Variants in PPP2R5E observed in about 807,000 individuals in gnomAD.
The protein encoded by PPP2R5E is protein phosphatase 2 regulatory subunit B'epsilon.
In PPP2R5E, 4 loss-of-function variants were observed where a neutral mutation model predicts 65.3. The observed-to-expected ratio is 0.06, with a 90% confidence interval of 0.03 to 0.14. The LOEUF is 0.14. Ranked by LOEUF, PPP2R5E falls within the 10% of genes least tolerant of loss-of-function variation. The pLI is 1.00. For synonymous variants in PPP2R5E, 183 were observed against 187.4 expected (o/e 0.98, Z 0.19); for missense variants, 274 against 556.1 (o/e 0.49, Z 5.10).
intron 5 of PPP2R5E, among the ~76,000 whole-genome samples, chr14:63,414,620 A>G (rs1886593035): frequency 6.6e-6 from 1 of 152,242 alleles, no homozygotes; most frequent in African/African-American, 2.4e-5. Flanking sequence ...GATGTTCCAA[A>G]TGGAGACATG....
intron 3 of PPP2R5E, among the ~76,000 whole-genome samples, chr14:63,427,123 T>C (rs28715104): frequency 3.7e-3 from 562 of 152,344 alleles, no homozygotes; most frequent in African/African-American, 0.012. Flanking sequence ...TGCATGCTTA[T>C]GCAAATGTAT....
chr14:63,414,156 G>C (rs941570357), intron 5 of PPP2R5E, among the ~76,000 whole-genome samples: 1 of 152,050 alleles, frequency 6.6e-6, no homozygotes, highest in Non-Finnish European at 1.5e-5. Flanking sequence ...AATTGGCTAT[G>C]GTTCAACCTA....
intron 2 of PPP2R5E, among the ~76,000 whole-genome samples, chr14:63,510,291 T>A (rs1000280471): frequency 6.6e-6 from 1 of 152,182 alleles, no homozygotes; most frequent in Non-Finnish European, 1.5e-5. Context: ...AGGTGATGAA[T>A]GTCACTGGAC....
At chr14:63,542,131 T>C (rs574007945) in intron 1 of PPP2R5E, among the ~76,000 whole-genome samples, 1 of 152,274 alleles carries the variant, frequency 6.6e-6, no homozygotes, top group South Asian at 2.1e-4. Context: ...CTACAGACGA[T>C]ATATAGGTAG....
chr14:63,384,629 A>G, intron 11 of PPP2R5E, 58 bp from the exon 12 acceptor site: 1 of 1,432,856 alleles, frequency 7.0e-7, no homozygotes, highest in Middle Eastern at 1.8e-4. Context: ...ATAAAACAAA[A>G]TTATAAATCT....
At chr14:63,473,411 G>A (rs1203059857) in intron 2 of PPP2R5E, among the ~76,000 whole-genome samples, 1 of 152,176 alleles carries the variant, frequency 6.6e-6, no homozygotes, top group African/African-American at 2.4e-5. Context: ...GGGGCAGCTA[G>A]AGACAAGCTA....
intron 5 of PPP2R5E, among the ~76,000 whole-genome samples, chr14:63,402,469 T>C (rs895928169): frequency 1.3e-5 from 2 of 152,036 alleles, no homozygotes; most frequent in Non-Finnish European, 2.9e-5. Context: ...CAAACAATTA[T>C]AAGGAACTCA....
At chr14:63,493,463 T>C (rs1281792447) in intron 2 of PPP2R5E, among the ~76,000 whole-genome samples, 7 of 140,784 alleles carry the variant, frequency 5.0e-5, no homozygotes, top group African/African-American at 1.7e-4. Context: ...TCTCCAGACA[T>C]TGCCAAATTA....
chr14:63,501,729 A>G (rs1246468941), intron 2 of PPP2R5E, among the ~76,000 whole-genome samples: 2 of 152,214 alleles, frequency 1.3e-5, no homozygotes, highest in African/African-American at 2.4e-5. Flanking sequence ...TTATGTCTCA[A>G]TAAAGCTGTT....
chr14:63,418,267 A>G (rs1386458405), intron 4 of PPP2R5E, among the ~76,000 whole-genome samples: 2 of 152,126 alleles, frequency 1.3e-5, no homozygotes, highest in African/African-American at 4.8e-5. Context: ...CCCTCTTTCG[A>G]TTGCCACAAA....
chr14:63,429,277 T>A (rs1352525548), intron 3 of PPP2R5E, among the ~76,000 whole-genome samples: 1 of 152,200 alleles, frequency 6.6e-6, no homozygotes, highest in African/African-American at 2.4e-5. Context: ...CTTTCATCTG[T>A]GAAACTGTAA....
At chr14:63,450,442 G>A (rs952457872) in intron 3 of PPP2R5E, among the ~76,000 whole-genome samples, 3 of 152,078 alleles carry the variant, frequency 2.0e-5, no homozygotes, top group African/African-American at 7.2e-5. Flanking sequence ...TTTGGCTGGA[G>A]AATGGGGAGG....
chr14:63,529,139 C>A (rs1893303305), intron 2 of PPP2R5E, among the ~76,000 whole-genome samples: 1 of 152,092 alleles, frequency 6.6e-6, no homozygotes, highest in African/African-American at 2.4e-5. Flanking sequence ...TTTTAATTTT[C>A]TAGTAGGAAC....
chr14:63,471,233 CAG>C (rs936172824), intron 2 of PPP2R5E, among the ~76,000 whole-genome samples: 4 of 152,122 alleles, frequency 2.6e-5, no homozygotes, highest in African/African-American at 9.7e-5. Context: ...CCAGATGGGC[CAG>C]AAGAACCTCA....
At position 63,375,729 on chromosome 14, in the gene PPP2R5E, C is replaced by G. The variant is rs550570794; in HGVS notation, c.*280G>C. ...TGGAATTTTAACATAGCAATTTCAT[C>G]AACAGATCTTTGAAGACCGATTTTT... On this transcript the variant is annotated 3_prime_UTR_variant, in exon 14 of 14. Coordinates refer to ENST00000337537, the MANE Select transcript of PPP2R5E (RefSeq NM_006246.5). The G allele has an allele frequency of 3.0e-5, 7 of 232,100 alleles. No homozygotes were observed. Among genetic ancestry groups the G allele is most frequent in the African/African-American group, 1.7e-4 (7 of 42,290 alleles). The allele number at this position is 232,100 out of a possible 1,614,324, so 14.4% of individuals were successfully genotyped here. A position where few individuals can be genotyped will look rare whatever the true frequency, so the allele number is the denominator to read the frequency against.
chr14:63,438,574 C>T (rs1888051728), intron 3 of PPP2R5E, among the ~76,000 whole-genome samples: 1 of 152,044 alleles, frequency 6.6e-6, no homozygotes, highest in Admixed American at 6.6e-5. Flanking sequence ...GGGGTAGAGA[C>T]AGGGGGAGTA....
intron 5 of PPP2R5E, among the ~76,000 whole-genome samples, chr14:63,413,420 T>C (rs543593998): frequency 6.6e-6 from 1 of 152,308 alleles, no homozygotes; most frequent in South Asian, 2.1e-4. Context: ...TTGAAGTCAC[T>C]CCAAGTTACA....
chr14:63,402,241 A>G (rs1487106386), intron 5 of PPP2R5E, among the ~76,000 whole-genome samples: 1 of 152,242 alleles, frequency 6.6e-6, no homozygotes, highest in Non-Finnish European at 1.5e-5. Context: ...AAAGACCTAC[A>G]GATATGCTAA....
intron 3 of PPP2R5E, among the ~76,000 whole-genome samples, chr14:63,439,552 T>G (rs966619666): frequency 1.3e-5 from 2 of 152,144 alleles, no homozygotes; most frequent in African/African-American, 2.4e-5. Context: ...TTTTGTATTT[T>G]TAGTAGAGAC....
Sources: gnomAD v4.1 joint callset for allele counts (sites outside exome capture counted in the v4.1 genomes callset) on GRCh38, gnomAD v4.1.1 for gene constraint, MANE v1.5 for transcripts, NCBI Gene and HGNC (gene_info 2026-07-23, HGNC 2026-07-21) for gene names.